The following MYLK variants were observed in gnomAD, a reference collection of about 807,000 sequenced individuals.
The protein encoded by MYLK is myosin light chain kinase, also known as myosin light chain kinase, smooth muscle.
Under a neutral mutation model 203.4 loss-of-function variants are expected in MYLK, and 106 were observed. The observed-to-expected ratio is 0.52, with a 90% CI of 0.45 to 0.61. The LOEUF (loss-of-function observed/expected upper bound fraction) is 0.61. Ranked by LOEUF, MYLK falls within the 20% of genes least tolerant of loss-of-function variation. The probability of loss-of-function intolerance (pLI) is 0.00; values close to 1 mark genes in which losing one functional copy is unlikely to be tolerated. For synonymous variants in MYLK, 867 were observed against 959.5 expected (o/e 0.90, Z 1.78); for missense variants, 2,072 against 2,442.3 (o/e 0.85, Z 3.20).
At chr3:123,655,519 C>T (rs1302874194) in intron 24 of MYLK, among the ~76,000 whole-genome samples, 1 of 152,216 alleles carries the variant, frequency 6.6e-6, no homozygotes, top group Non-Finnish European at 1.5e-5. Context: ...AGGATACCTT[C>T]CCTCGGCTAG....
intron 3 of MYLK, among the ~76,000 whole-genome samples, chr3:123,828,419 A>G (rs2066208656): frequency 6.6e-6 from 1 of 152,122 alleles, no homozygotes; most frequent in Admixed American, 6.6e-5. Context: ...GAATAAGACT[A>G]GACCCCCCAC....
intron 4 of MYLK, among the ~76,000 whole-genome samples, chr3:123,772,489 G>T (rs2063915411): frequency 6.6e-6 from 1 of 152,028 alleles, no homozygotes; most frequent in Non-Finnish European, 1.5e-5. Context: ...AAAGGTAGAA[G>T]AAATGTGGAT....
chr3:123,734,959 G>C, intron 9 of MYLK: 1 of 278,238 alleles, frequency 3.6e-6, no homozygotes, highest in Admixed American at 4.3e-5. Context: ...TTGGTAATGT[G>C]CGTTCGTGTG....
chr3:123,775,834 C>G (rs547644903), intron 4 of MYLK, among the ~76,000 whole-genome samples: 3 of 152,236 alleles, frequency 2.0e-5, no homozygotes, highest in Admixed American at 6.5e-5. Flanking sequence ...GAAGATGGTT[C>G]TCCTTAAACT....
rs189933022 is a variant in MYLK at position 123,836,703 on chromosome 3, C to A, written c.-126-5033G>T. On this transcript the variant is annotated intron_variant, in intron 2 of 33. Coordinates refer to ENST00000360304, the MANE Select transcript of MYLK (RefSeq NM_053025.4). The stretch of plus-strand genomic sequence containing the variant: ...GGCCTACTTGTATTTTGTTTTATAA[C>A]AGAAGGAGGTAATATGGAAACTCTC... 1.9e-3 allele frequency among the ~76,000 whole-genome samples: 296 copies of A among 152,240 alleles called. 1 individual carries two copies. Among genetic ancestry groups the A allele is most frequent in the Non-Finnish European group, 3.1e-3 (210 of 68,012 alleles).
At chr3:123,621,514 G>C (rs2107906004) in intron 31 of MYLK, 1 of 152,308 alleles carries the variant, frequency 6.6e-6, no homozygotes, top group East Asian at 1.9e-4. Context: ...CTTCAGTAAA[G>C]CCTCACAATT....
chr3:123,848,520 A>C (rs1390816124), intron 2 of MYLK, among the ~76,000 whole-genome samples: 1 of 152,154 alleles, frequency 6.6e-6, no homozygotes, highest in African/African-American at 2.4e-5. Context: ...ATAAAAAAAA[A>C]CACTATACTT....
chr3:123,875,292 G>A (rs774920208), intron 2 of MYLK, among the ~76,000 whole-genome samples: 8 of 152,082 alleles, frequency 5.3e-5, no homozygotes, highest in Non-Finnish European at 7.4e-5. Context: ...CAACAAAAAC[G>A]AATAACCTAT....
At chr3:123,623,933 C>T (rs371828313) in intron 31 of MYLK, 2 of 152,128 alleles carry the variant, frequency 1.3e-5, no homozygotes, top group Admixed American at 1.3e-4. Context: ...GCCATCTATA[C>T]TAAAATATAA....
At chr3:123,867,482 A>G (rs1240972202) in intron 2 of MYLK, among the ~76,000 whole-genome samples, 1 of 151,468 alleles carries the variant, frequency 6.6e-6, no homozygotes, top group Non-Finnish European at 1.5e-5. Flanking sequence ...ACACACAGAG[A>G]GGAGGACATC....
At chr3:123,792,335 A>G (rs2064811782) in intron 4 of MYLK, among the ~76,000 whole-genome samples, 1 of 152,236 alleles carries the variant, frequency 6.6e-6, no homozygotes, top group African/African-American at 2.4e-5. Flanking sequence ...TGTATAATTC[A>G]GTATTTTATA....
intron 6 of MYLK, among the ~76,000 whole-genome samples, chr3:123,739,602 T>A (rs940461674): frequency 3.3e-5 from 5 of 152,206 alleles, no homozygotes; most frequent in Admixed American, 6.5e-5. Context: ...TTTCCCTGGG[T>A]TGAGCCACTG....
intron 6 of MYLK, 30 bp from the exon 7 acceptor site, chr3:123,739,092 C>G (rs755912909): frequency 3.1e-6 from 5 of 1,611,348 alleles, no homozygotes; most frequent in Non-Finnish European, 4.2e-6. Context: ...GAATCCAGTC[C>G]CAGACAAGGC....
intron 20 of MYLK, among the ~76,000 whole-genome samples, chr3:123,678,038 A>C (rs2060135602): frequency 1.3e-5 from 2 of 151,370 alleles, no homozygotes; most frequent in South Asian, 4.2e-4. Context: ...GACCCTGGAC[A>C]GGGCAGTTTA....
At chr3:123,650,473 CGGTGTG>C (rs1301246498) in intron 24 of MYLK, among the ~76,000 whole-genome samples, 6 of 151,530 alleles carry the variant, frequency 4.0e-5, no homozygotes, top group African/African-American at 1.5e-4. Context: ...GCGGGTGTAC[CGGTGTG>C]AGTGTGAGTG....
intron 20 of MYLK, chr3:123,681,814 T>C (rs1040934902): frequency 3.5e-5 from 9 of 260,806 alleles, no homozygotes; most frequent in Non-Finnish European, 6.9e-5. Flanking sequence ...TGGGGGCCAC[T>C]GCATATTTCA....
At chr3:123,694,313 G>A (rs1235135576) in intron 18 of MYLK, among the ~76,000 whole-genome samples, 1 of 152,180 alleles carries the variant, frequency 6.6e-6, no homozygotes, top group Non-Finnish European at 1.5e-5. Context: ...TTTGTAGTTA[G>A]GAGTCAGAAT....
At chr3:123,616,732 G>C (rs1033356520) in intron 33 of MYLK, 1 of 152,062 alleles carries the variant, frequency 6.6e-6, no homozygotes, top group Non-Finnish European at 1.5e-5. Flanking sequence ...CATTTCATGC[G>C]GATCTGGTTG....
intron 2 of MYLK, among the ~76,000 whole-genome samples, chr3:123,853,664 G>A (rs992663622): frequency 2.6e-5 from 4 of 152,164 alleles, no homozygotes; most frequent in African/African-American, 9.7e-5. Flanking sequence ...TACCCAAGGA[G>A]CTACAGCTGA....
Sources: allele counts gnomAD v4.1 joint callset (sites outside exome capture counted in the v4.1 genomes callset), GRCh38; gene constraint gnomAD v4.1.1; transcripts MANE v1.5; gene names NCBI Gene and HGNC (gene_info 2026-07-23, HGNC 2026-07-21).